Variants in MSR1 observed in about 807,000 individuals in gnomAD.
The protein encoded by MSR1 is macrophage scavenger receptor 1, also known as macrophage scavenger receptor types I and II.
A neutral mutation model predicts 47.2 loss-of-function variants in MSR1; 53 were observed. The ratio of observed to expected loss-of-function variants is 1.12; its 90% CI spans 0.90 to 1.41. MSR1 has a LOEUF of 1.41. Among genes scored for constraint, MSR1 ranks in the 40% most tolerant of loss-of-function variants. The probability of loss-of-function intolerance (pLI) is 0.00; values close to 1 mark genes in which losing one functional copy is unlikely to be tolerated. For synonymous variants in MSR1, 239 were observed against 185.6 expected, an observed-to-expected ratio of 1.29 and a Z score of -2.34; for missense variants, 786 against 546.9, an observed-to-expected ratio of 1.44 and a Z score of -4.36.
chr8:16,125,845 C>T (rs1213979782), intron 8 of MSR1, among the ~76,000 whole-genome samples: 2 of 152,050 alleles, frequency 1.3e-5, no homozygotes, highest in Non-Finnish European at 2.9e-5. Flanking sequence ...TAGCTCACTG[C>T]AGCCTCAAAC....
chr8:16,174,364 G>A (rs2117199420), intron 3 of MSR1, among the ~76,000 whole-genome samples: 1 of 152,194 alleles, frequency 6.6e-6, no homozygotes, highest in South Asian at 2.1e-4. Flanking sequence ...TAGAGAAGAG[G>A]AGAGCTATAA....
chr8:16,189,207 A>G (rs1421920466), intron 1 of MSR1, among the ~76,000 whole-genome samples: 3 of 136,996 alleles, frequency 2.2e-5, no homozygotes, highest in Non-Finnish European at 3.1e-5. Context: ...CTTATTTTAT[A>G]TATATTTCAT....
At chr8:16,150,024 C>G (rs1800804048) in intron 7 of MSR1, among the ~76,000 whole-genome samples, 2 of 151,196 alleles carry the variant, frequency 1.3e-5, no homozygotes, top group Admixed American at 1.3e-4. Context: ...TTCTAGACCA[C>G]AAAATAACTG....
chr8:16,158,096 T>G (rs554443224), intron 5 of MSR1, among the ~76,000 whole-genome samples: 1 of 152,106 alleles, frequency 6.6e-6, no homozygotes, highest in Non-Finnish European at 1.5e-5. Context: ...GTCAGCTCCC[T>G]TGCTGATACA....
intron 1 of MSR1, among the ~76,000 whole-genome samples, chr8:16,183,011 T>C (rs1312044646): frequency 6.6e-6 from 1 of 152,150 alleles, no homozygotes; most frequent in East Asian, 1.9e-4. Flanking sequence ...TCCTATTCCC[T>C]TAGAACAGCT....
intron 8 of MSR1, among the ~76,000 whole-genome samples, chr8:16,134,362 T>C (rs1344183976): frequency 6.6e-6 from 1 of 152,130 alleles, no homozygotes; most frequent in East Asian, 1.9e-4. Flanking sequence ...CTAATACATA[T>C]TTTCCATGAT....
chr8:16,135,338 G>C (rs1800364306), intron 8 of MSR1, among the ~76,000 whole-genome samples: 1 of 152,152 alleles, frequency 6.6e-6, no homozygotes, highest in Non-Finnish European at 1.5e-5. Flanking sequence ...GCCCTTATGA[G>C]TTATGCTAAA....
chr8:16,181,670 G>C (rs1222447211), intron 1 of MSR1, among the ~76,000 whole-genome samples: 1 of 151,838 alleles, frequency 6.6e-6, no homozygotes, highest in East Asian at 1.9e-4. Context: ...GCAAGGGGAG[G>C]GATAGCATTA....
At chr8:16,166,881 T>C (rs1050843251) in intron 4 of MSR1, among the ~76,000 whole-genome samples, 3 of 151,770 alleles carry the variant, frequency 2.0e-5, no homozygotes, top group South Asian at 2.1e-4. Context: ...GTCAATAAAA[T>C]TATTCAAGCA....
rs759639539 is a variant in MSR1, at chr8:16,110,025, C to A, written c.*60G>T. On this transcript the variant is annotated 3_prime_UTR_variant, in exon 10 of 10. Coordinates refer to ENST00000262101, the MANE Select transcript of MSR1 (RefSeq NM_138715.3). ...ATTGATTAAATGGATTTTACAGGAA[C>A]AAGGTAATAAAATCATTTTTGAGCA... The A allele has an allele frequency of 1.9e-5, 31 of 1,592,480 alleles. No individual in the cohort carries two copies. The highest frequency in any genetic ancestry group is 8.3e-5 in the Admixed American group (5 of 59,882).
chr8:16,131,455 T>G (rs1244568399), intron 8 of MSR1, among the ~76,000 whole-genome samples: 4 of 145,412 alleles, frequency 2.8e-5, no homozygotes, highest in African/African-American at 1.1e-4. Context: ...TTTTTTTTTT[T>G]TTTTTTTTTT....
chr8:16,125,758 T>C (rs1800114184), intron 8 of MSR1, among the ~76,000 whole-genome samples: 2 of 152,052 alleles, frequency 1.3e-5, no homozygotes, highest in Non-Finnish European at 1.5e-5. Context: ...TGTATTTCTT[T>C]TAAAAATTTT....
intron 1 of MSR1, among the ~76,000 whole-genome samples, chr8:16,181,022 T>C (rs1055216934): frequency 1.3e-5 from 2 of 151,832 alleles, no homozygotes; most frequent in African/African-American, 4.8e-5. Context: ...GAAGCCAAAC[T>C]GGATTATTTA....
chr8:16,169,168 TA>T (rs965436851), intron 3 of MSR1, among the ~76,000 whole-genome samples: 1 of 151,762 alleles, frequency 6.6e-6, no homozygotes, highest in South Asian at 2.1e-4. Flanking sequence ...CCTTGCCAAT[TA>T]AAAAAAAATT....
intron 9 of MSR1, among the ~76,000 whole-genome samples, chr8:16,114,103 T>C (rs1238771634): frequency 1.3e-5 from 2 of 152,148 alleles, no homozygotes; most frequent in Non-Finnish European, 2.9e-5. Context: ...AGGAGCAGTA[T>C]GTAAAAATTT....
chr8:16,164,736 C>T (rs1396684027), intron 4 of MSR1, among the ~76,000 whole-genome samples: 1 of 151,984 alleles, frequency 6.6e-6, no homozygotes, highest in African/African-American at 2.4e-5. Context: ...TTTTCATACT[C>T]AATAAAACCT....
At chr8:16,179,754 G>A (rs1202410959) in intron 1 of MSR1, among the ~76,000 whole-genome samples, 4 of 145,784 alleles carry the variant, frequency 2.7e-5, no homozygotes, top group Non-Finnish European at 4.5e-5. Flanking sequence ...GGTGGCACCT[G>A]TAATCCCAGC....
chr8:16,155,189 A>C (rs1358040925), intron 5 of MSR1, 45 bp from the exon 6 acceptor site: 5 of 1,446,244 alleles, frequency 3.5e-6, no homozygotes, highest in Non-Finnish European at 4.8e-6. Flanking sequence ...AAAGCATAGG[A>C]AAAATGGGTT....
At position 16,127,028 on chromosome 8, in the gene MSR1, T is replaced by A. The variant is rs867844199; in HGVS notation, c.1034-6422A>T. On this transcript the variant is annotated intron_variant, in intron 8 of 9. Transcript: ENST00000262101. ...TTATAGGTATTATTGATACTATTAT[T>A]TCTTAAAAATTCAAATTTCTGGCCT... is the stretch of plus-strand genomic sequence containing the variant. Among the ~76,000 whole-genome samples the A allele has an allele frequency of 1.4e-4, 22 of 152,252 alleles. 1 individual carries two copies. The highest frequency in any genetic ancestry group is 6.8e-3 in the Middle Eastern group (2 of 294).
Sources: allele counts gnomAD v4.1 joint callset (sites outside exome capture counted in the v4.1 genomes callset), GRCh38; gene constraint gnomAD v4.1.1; transcripts MANE v1.5; gene names NCBI Gene and HGNC (gene_info 2026-07-23, HGNC 2026-07-21).